Variants in TMEM135 observed in about 807,000 individuals in gnomAD.
TMEM135 encodes the protein peroxisomal membrane protein 52.
A neutral mutation model predicts 60.3 loss-of-function variants in TMEM135; 30 were observed. The ratio of observed to expected loss-of-function variants is 0.50; its 90% CI spans 0.37 to 0.68. TMEM135 has a LOEUF of 0.68. Among genes scored for constraint, TMEM135 ranks in the 30% least tolerant of loss-of-function variants. The pLI is 0.00. For missense variants in TMEM135, 468 were observed against 548.8 expected (o/e 0.85, Z 1.47); for synonymous variants, 190 against 186.7 (o/e 1.02, Z -0.14).
chr11:87,263,262 T>G (rs1167348230), intron 6 of TMEM135, among the ~76,000 whole-genome samples: 1 of 152,208 alleles, frequency 6.6e-6, no homozygotes, highest in Non-Finnish European at 1.5e-5. Flanking sequence ...TTTAATCTCT[T>G]AAATGGAGAT....
At position 87,198,866 on chromosome 11, in the gene TMEM135, A is replaced by G. The variant is rs191381913; in HGVS notation, c.463-37772A>G. On this transcript the variant is annotated intron_variant, in intron 5 of 14. Transcript: ENST00000305494. ...ACTGAGTTCCTAGTTTTATAAATTCAGCAAACAAATATTGTCTTCTATGTC... is the reference window on the plus strand; with the variant it reads ...ACTGAGTTCCTAGTTTTATAAATTCGGCAAACAAATATTGTCTTCTATGTC... 6.6e-5 allele frequency among the ~76,000 whole-genome samples: 10 copies of G among 151,780 alleles called. No individual in the cohort carries two copies. The East Asian group carries it at 7.7e-4, about 12-fold the overall frequency.
intron 1 of TMEM135, among the ~76,000 whole-genome samples, chr11:87,040,516 G>A (rs1445743322): frequency 6.6e-6 from 1 of 152,154 alleles, no homozygotes; most frequent in African/African-American, 2.4e-5. Context: ...TATAAAATTA[G>A]CTGGGCGTGG....
chr11:87,094,063 T>C (rs1857268894), intron 4 of TMEM135, among the ~76,000 whole-genome samples: 1 of 152,146 alleles, frequency 6.6e-6, no homozygotes, highest in Non-Finnish European at 1.5e-5. Flanking sequence ...AATTTTCTTT[T>C]AAAAAATTAC....
chr11:87,066,927 C>A (rs985312750), intron 1 of TMEM135, among the ~76,000 whole-genome samples: 1 of 150,930 alleles, frequency 6.6e-6, no homozygotes, highest in African/African-American at 2.4e-5. Flanking sequence ...ACTACAGGCG[C>A]CCACCACCAC....
Position 87,328,715 on chromosome 11 carries a change from A to G in TMEM135, c.*7382A>G, listed in dbSNP as rs1276025598. 5 of 454,104 alleles carry G rather than the reference A, an allele frequency of 1.1e-5. No homozygotes were observed. Among genetic ancestry groups the G allele is most frequent in the South Asian group, 3.1e-5 (2 of 64,472 alleles). 28.1% of individuals were successfully genotyped at this position (454,104 alleles called of 1,614,324 possible). A position where few individuals can be genotyped will look rare whatever the true frequency, so the allele number is the denominator to read the frequency against. ...ATGGCTGAGTAGTATTCCATGGTGC[A>G]TATATACCACATTTTCTTTATCCAC... is the stretch of plus-strand genomic sequence containing the variant. On this transcript the variant is annotated 3_prime_UTR_variant, in exon 15 of 15. Transcript: ENST00000305494.
rs770098986 is a variant in TMEM135, at chr11:87,321,395, C to T, written c.*62C>T. The T allele has an allele frequency of 7.0e-6, 11 of 1,581,520 alleles. No homozygotes were observed. The highest frequency in any genetic ancestry group is 1.7e-5 in the Admixed American group (1 of 59,820). ...ATCTTGAAGAGTTAATTATGTTGAA[C>T]ACAAAGGAGGGGGCCCAAGCTCGAA... On this transcript the variant is annotated 3_prime_UTR_variant, in exon 15 of 15. Transcript: ENST00000305494.
rs117151515 is a variant in TMEM135 at position 87,087,793 on chromosome 11, A to G, written c.363-3569A>G. 6.1e-3 allele frequency among the ~76,000 whole-genome samples: 925 copies of G among 152,214 alleles called. 44 individuals carry two copies. In the East Asian group the frequency reaches 0.14, roughly 23 times the overall value. ...CTCTTGTTACCCAGGCTTGAGTGCA[A>G]TGGTGCGATCTTGGCCCACTGCAAC... On this transcript the variant is annotated intron_variant, in intron 3 of 14. Coordinates refer to ENST00000305494, the MANE Select transcript of TMEM135 (RefSeq NM_022918.4).
intron 4 of TMEM135, among the ~76,000 whole-genome samples, chr11:87,126,251 C>T (rs987890943): frequency 2.0e-5 from 3 of 152,062 alleles, no homozygotes; most frequent in African/African-American, 7.2e-5. Flanking sequence ...TAATATTTAT[C>T]AGTAGGCTCT....
intron 5 of TMEM135, among the ~76,000 whole-genome samples, chr11:87,160,078 A>G (rs1938828288): frequency 6.6e-6 from 1 of 152,190 alleles, no homozygotes; most frequent in African/African-American, 2.4e-5. Context: ...CCTCATGACA[A>G]GTGTATCAGG....
intron 5 of TMEM135, among the ~76,000 whole-genome samples, chr11:87,203,262 C>T (rs1940160998): frequency 6.6e-6 from 1 of 152,000 alleles, no homozygotes; most frequent in Non-Finnish European, 1.5e-5. Context: ...GTTGTACATT[C>T]TATGGGTTTG....
chr11:87,157,053 TTTTCTTTC>T (rs753296038), intron 4 of TMEM135, among the ~76,000 whole-genome samples: 9 of 147,746 alleles, frequency 6.1e-5, no homozygotes, highest in Admixed American at 7.0e-5. Flanking sequence ...GTTGCATTTC[TTTTCTTTC>T]TTTCTTTCTT....
intron 9 of TMEM135, among the ~76,000 whole-genome samples, chr11:87,307,327 A>G (rs1453382368): frequency 1.3e-5 from 2 of 151,680 alleles, no homozygotes; most frequent in African/African-American, 4.9e-5. Context: ...CAGTTGTGCA[A>G]TACTTTCTGA....
At chr11:87,136,223 T>A (rs1022518508) in intron 4 of TMEM135, among the ~76,000 whole-genome samples, 9 of 151,974 alleles carry the variant, frequency 5.9e-5, no homozygotes, top group Non-Finnish European at 1.0e-4. Context: ...GTTAAAAAAA[T>A]TTTTGGAATG....
intron 5 of TMEM135, among the ~76,000 whole-genome samples, chr11:87,191,255 T>G (rs996074995): frequency 6.6e-6 from 1 of 151,880 alleles, no homozygotes; most frequent in Admixed American, 6.6e-5. Context: ...TTTTTTTTTT[T>G]TCTGAGACAG....
rs1555100700 is a variant in TMEM135, at chr11:87,080,169, T to TTTG, written c.362+8556_362+8557insGTT. On this transcript the variant is annotated intron_variant, in intron 3 of 14. Transcript: ENST00000305494. Reference sequence around the variant, plus strand: ...TTTCTTCTTTTGCCTGTTTGCAGTGTTTTTTTTTTTTTTTTTGATATCAAC... The same window carrying TTTG: ...TTTCTTCTTTTGCCTGTTTGCAGTGTTTGTTTTTTTTTTTTTTTTGATATCAAC... 1.6e-3 allele frequency among the ~76,000 whole-genome samples: 77 copies of TTTG among 49,030 alleles called. 1 individual carries two copies. Among genetic ancestry groups the TTTG allele is most frequent in the Non-Finnish European group, 2.3e-3 (70 of 30,084 alleles). 32.2% of individuals were successfully genotyped at this position (49,030 alleles called of 152,430 possible).
intron 5 of TMEM135, among the ~76,000 whole-genome samples, chr11:87,198,658 T>C (rs1940020315): frequency 1.3e-5 from 2 of 151,116 alleles, no homozygotes; most frequent in Admixed American, 1.3e-4. Context: ...TTTCCCTGTT[T>C]CCTCCTTCCC....
chr11:87,080,973 A>G (rs1044705591), intron 3 of TMEM135, among the ~76,000 whole-genome samples: 4 of 152,186 alleles, frequency 2.6e-5, no homozygotes, highest in African/African-American at 9.7e-5. Flanking sequence ...GGCATGAGCC[A>G]CCGCGCCTGG....
At chr11:87,089,580 C>G (rs774797737) in intron 3 of TMEM135, among the ~76,000 whole-genome samples, 14 of 152,008 alleles carry the variant, frequency 9.2e-5, no homozygotes, top group Non-Finnish European at 1.8e-4. Flanking sequence ...TTGTCAGGCT[C>G]TCTCACAGAA....
chr11:87,143,205 A>G (rs1938314356), intron 4 of TMEM135, among the ~76,000 whole-genome samples: 1 of 152,000 alleles, frequency 6.6e-6, no homozygotes, highest in African/African-American at 2.4e-5. Context: ...TTCCTTATTT[A>G]TCCATCTATT....
Sources: allele counts gnomAD v4.1 joint callset (sites outside exome capture counted in the v4.1 genomes callset), GRCh38; gene constraint gnomAD v4.1.1; transcripts MANE v1.5; gene names NCBI Gene and HGNC (gene_info 2026-07-23, HGNC 2026-07-21).